Variants in BIK observed in about 807,000 individuals in gnomAD.
BIK encodes the protein BCL2 interacting killer, also known as bcl-2-interacting killer.
Under a neutral mutation model 12.1 loss-of-function variants are expected in BIK, and 14 were observed. That is an observed-to-expected ratio of 1.16 (90% confidence interval 0.77 to 1.81). The LOEUF is 1.81. Ranked by LOEUF, BIK falls within the 40% of genes most tolerant of loss-of-function variation. The pLI is 0.00. For missense variants in BIK, 215 were observed against 207.9 expected, an observed-to-expected ratio of 1.03 and a Z score of -0.21; for synonymous variants, 86 against 92.3, an observed-to-expected ratio of 0.93 and a Z score of 0.39.
chr22:43,115,479 T>G (rs1203504480), intron 1 of BIK, among the ~76,000 whole-genome samples: 2 of 152,106 alleles, frequency 1.3e-5, no homozygotes, highest in Non-Finnish European at 2.9e-5. Flanking sequence ...ATTTTTTTTT[T>G]GAGATGGAGC....
At chr22:43,120,487 G>A (rs1930199357) in intron 1 of BIK, among the ~76,000 whole-genome samples, 3 of 152,344 alleles carry the variant, frequency 2.0e-5, no homozygotes, top group East Asian at 1.9e-4. Flanking sequence ...ACTGCACCAG[G>A]CCAGGTCTAG....
chr22:43,112,279 A>G (rs1444948025), intron 1 of BIK, among the ~76,000 whole-genome samples: 1 of 152,038 alleles, frequency 6.6e-6, no homozygotes, highest in East Asian at 1.9e-4. Context: ...GCTAACTGCA[A>G]CCTCGGCCTC....
At chr22:43,127,222 G>T (rs985478792) in intron 2 of BIK, among the ~76,000 whole-genome samples, 1 of 152,088 alleles carries the variant, frequency 6.6e-6, no homozygotes, top group Non-Finnish European at 1.5e-5. Flanking sequence ...TCAGGATTGG[G>T]ACCAGGACAC....
At chr22:43,112,833 G>C (rs1428921718) in intron 1 of BIK, among the ~76,000 whole-genome samples, 1 of 152,112 alleles carries the variant, frequency 6.6e-6, no homozygotes, top group East Asian at 1.9e-4. Flanking sequence ...TGAGCTTGGA[G>C]GGGTTGAGGC....
chr22:43,112,930 A>G (rs1930038857), intron 1 of BIK, among the ~76,000 whole-genome samples: 1 of 151,562 alleles, frequency 6.6e-6, no homozygotes, highest in African/African-American at 2.4e-5. Context: ...TAGGCTGGGC[A>G]TGGTGGCTCA....
Position 43,128,617 on chromosome 22 carries a change from G to C in BIK, c.382G>C (p.Gly128Arg), listed in dbSNP as rs746734587. 1 of 1,609,516 alleles carries C rather than the reference G, an allele frequency of 6.2e-7. No homozygotes were observed. Among genetic ancestry groups the C allele is most frequent in the Non-Finnish European group, 8.5e-7 (1 of 1,177,204 alleles). The change falls in exon 4 of 5, where the codon GGG (glycine) becomes CGG (arginine). Residue 128 changes from glycine (G) to arginine (R), a missense_variant. Transcript: ENST00000216115. ...GAGGTTCTGGAGATCCCCGAACCCCGGGTCCTGGGTAAGAGCCTTGAGATC... is the reference window on the plus strand; with the variant it reads ...GAGGTTCTGGAGATCCCCGAACCCCCGGTCCTGGGTAAGAGCCTTGAGATC... ...IMRFWRSPNP[G>R]SWVSCEQVLL...
chr22:43,114,306 G>C (rs1047125762), intron 1 of BIK, among the ~76,000 whole-genome samples: 10 of 151,986 alleles, frequency 6.6e-5, no homozygotes, highest in Admixed American at 1.3e-4. Flanking sequence ...AAGTATTCTT[G>C]ACCGCCCCCT....
chr22:43,114,732 TA>T (rs1930077896), intron 1 of BIK, among the ~76,000 whole-genome samples: 1 of 152,214 alleles, frequency 6.6e-6, no homozygotes, highest in South Asian at 2.1e-4. Context: ...ATCATGAAGA[TA>T]AATCCGAGCT....
chr22:43,111,247 G>C (rs1569463072), intron 1 of BIK, among the ~76,000 whole-genome samples: 1 of 152,216 alleles, frequency 6.6e-6, no homozygotes, highest in Non-Finnish European at 1.5e-5. Context: ...CCTTAAAAGA[G>C]GGAAGATGGC....
At chr22:43,110,940 C>T (rs1170807914) in intron 1 of BIK, 137 bp downstream of exon 1, 1 of 152,152 alleles carries the variant, frequency 6.6e-6, no homozygotes, top group East Asian at 1.9e-4. Flanking sequence ...TCCAGCAAGT[C>T]GCTGGCGGGG....
intron 1 of BIK, among the ~76,000 whole-genome samples, chr22:43,121,569 T>C (rs972575195): frequency 1.3e-5 from 2 of 152,126 alleles, no homozygotes; most frequent in African/African-American, 4.8e-5. Flanking sequence ...GGTTCCACTG[T>C]TGCTCTGGCT....
chr22:43,117,855 A>G (rs1930148176), intron 1 of BIK, among the ~76,000 whole-genome samples: 1 of 151,742 alleles, frequency 6.6e-6, no homozygotes, highest in Non-Finnish European at 1.5e-5. Context: ...GAAACGGGGT[A>G]GAGACGGAGT....
At chr22:43,123,575 ACCC>A (rs1569466670) in intron 1 of BIK, among the ~76,000 whole-genome samples, 1 of 151,040 alleles carries the variant, frequency 6.6e-6, no homozygotes, top group Non-Finnish European at 1.5e-5. Context: ...ACATGATGAA[ACCC>A]CCGTCTTTAC....
intron 4 of BIK, among the ~76,000 whole-genome samples, chr22:43,129,004 C>A (rs1157633471): frequency 1.3e-5 from 2 of 152,268 alleles, no homozygotes. Flanking sequence ...CTGTGTCCCG[C>A]AGACTGGCAG....
chr22:43,127,652 C>A (rs573110142), intron 2 of BIK, 45 bp from the exon 3 acceptor site: 5 of 1,509,076 alleles, frequency 3.3e-6, no homozygotes, highest in Non-Finnish European at 3.6e-6. Context: ...TGCATGTGGC[C>A]TCCACGGCAC....
chr22:43,116,610 C>T (rs1260562648), intron 1 of BIK, among the ~76,000 whole-genome samples: 2 of 152,104 alleles, frequency 1.3e-5, no homozygotes, highest in Admixed American at 6.6e-5. Context: ...AGGCGCCCAC[C>T]CCCACGCCCG....
intron 1 of BIK, among the ~76,000 whole-genome samples, chr22:43,111,198 C>T (rs1930003463): frequency 6.6e-6 from 1 of 152,180 alleles, no homozygotes; most frequent in African/African-American, 2.4e-5. Flanking sequence ...CGTAGCGCGG[C>T]AACGCCAGCC....
chr22:43,126,028 A>G (rs1041151715), intron 2 of BIK, among the ~76,000 whole-genome samples: 5 of 131,156 alleles, frequency 3.8e-5, no homozygotes, highest in South Asian at 2.4e-4. Context: ...AAGGACCTGC[A>G]CTTTTTTTTT....
Position 43,124,808 on chromosome 22 carries a change from C to T in BIK, c.161+625C>T, listed in dbSNP as rs1278473602. On this transcript the variant is annotated intron_variant, in intron 2 of 4. Transcript: ENST00000216115. ...TCGGGAGGCTGAGGCAGGAGAATCT[C>T]TTGAACCCAGGAGGCAGAGGTTGCA... Among the ~76,000 whole-genome samples, 3 of 152,174 alleles carry T rather than the reference C, an allele frequency of 2.0e-5. No individual in the cohort carries two copies. In the South Asian group the frequency reaches 6.2e-4, roughly 31 times the overall value.
Sources: gnomAD v4.1 joint callset for allele counts (sites outside exome capture counted in the v4.1 genomes callset) on GRCh38, gnomAD v4.1.1 for gene constraint, MANE v1.5 for transcripts, NCBI Gene and HGNC (gene_info 2026-07-23, HGNC 2026-07-21) for gene names.